The following CENPH variants were observed in gnomAD, a reference collection of about 807,000 sequenced individuals.
CENPH encodes CENP-H.
In CENPH, 40 loss-of-function variants were observed where a neutral mutation model predicts 42.9. The observed-to-expected ratio is 0.93, with a 90% CI of 0.72 to 1.21. CENPH has a LOEUF of 1.21. CENPH is among the 50% of genes most tolerant of loss of function. CENPH has a pLI of 0.00. For synonymous variants in CENPH, 88 were observed against 96.5 expected (o/e 0.91, Z 0.52); for missense variants, 302 against 292.9 (o/e 1.03, Z -0.23).
rs760374211 is a variant in CENPH, at chr5:69,202,564, C to A, written c.430C>A (p.Gln144Lys). The change falls in exon 6 of 9, where the codon CAG (glutamine) becomes AAG (lysine). Residue 144 changes from glutamine (Q) to lysine (K), a missense_variant. By Grantham distance (53) the Gln-to-Lys change is moderately conservative (BLOSUM62 1). Coordinates refer to ENST00000283006, the MANE Select transcript of CENPH (RefSeq NM_022909.4). ...LELNKLIMKS[Q>K]QESWDLEEKL... ...GCTAAATAAATTAATAATGAAATCA[C>A]AGCAGGTAAACTTACACATTAGGCT... 3.6e-5 allele frequency: 55 copies of A among 1,543,724 alleles called. No homozygotes were observed. The highest frequency in any genetic ancestry group is 4.9e-5 in the Non-Finnish European group (55 of 1,122,002).
chr5:69,191,142 A>G (rs1040494421), intron 1 of CENPH, among the ~76,000 whole-genome samples: 1 of 152,166 alleles, frequency 6.6e-6, no homozygotes, highest in African/African-American at 2.4e-5. Flanking sequence ...CTGTGTTTGT[A>G]AATACAGTGG....
At chr5:69,193,754 C>T (rs1328878609) in intron 2 of CENPH, among the ~76,000 whole-genome samples, 4 of 151,446 alleles carry the variant, frequency 2.6e-5, no homozygotes, top group South Asian at 2.1e-4. Context: ...CTCCGCCTCC[C>T]GGATTCACTG....
chr5:69,194,544 G>A (rs544357643), intron 2 of CENPH, 103 bp from the exon 3 acceptor site: 10 of 602,768 alleles, frequency 1.7e-5, no homozygotes, highest in South Asian at 2.6e-5. Flanking sequence ...ATGTGAAAAC[G>A]ACATTTTAAA....
At position 69,191,672 on chromosome 5, in the gene CENPH, A is replaced by C. The variant is rs977180001; in HGVS notation, c.135-123A>C. 22 of 627,294 alleles carry C rather than the reference A, an allele frequency of 3.5e-5. No homozygotes were observed. In the African/African-American group the frequency reaches 4.2e-4, roughly 12 times the overall value. The allele number at this position is 627,294 out of a possible 1,614,324, so 38.9% of individuals were successfully genotyped here. On this transcript the variant is annotated intron_variant, in intron 1 of 8. Transcript: ENST00000283006. The stretch of plus-strand genomic sequence containing the variant: ...ATTAGAAGTTTGTAATTAGGAGTTT[A>C]ATTATTTATATTTATTTTGTTGTAT...
rs1198741488 is a variant in CENPH at position 69,204,062 on chromosome 5, A to AT, written c.487+1092_487+1093insT. ...TATATATTTATATATTATATATATA[A>AT]ATATATATAATATATAAATATATAT... On this transcript the variant is annotated intron_variant, in intron 7 of 8. Transcript: ENST00000283006. Among the ~76,000 whole-genome samples, 135 of 50,310 alleles carry AT rather than the reference A, an allele frequency of 2.7e-3. 3 individuals carry two copies. Among genetic ancestry groups the AT allele is most frequent in the African/African-American group, 4.7e-3 (51 of 10,864 alleles). The allele number at this position is 50,310 out of a possible 152,430, so 33.0% of individuals were successfully genotyped here.
chr5:69,193,325 T>A lies in CENPH; in HGVS notation c.191-1322T>A, dbSNP rs560962594. 4.6e-5 allele frequency among the ~76,000 whole-genome samples: 7 copies of A among 152,110 alleles called. No individual in the cohort carries two copies. The South Asian group carries it at 1.0e-3, about 23-fold the overall frequency. On this transcript the variant is annotated intron_variant, in intron 2 of 8. Coordinates refer to ENST00000283006, the MANE Select transcript of CENPH (RefSeq NM_022909.4). ...CAAATTTCTAAATCTGTATAATCAC[T>A]ACCACAATCAAGATACAGAACATTT... is the stretch of plus-strand genomic sequence containing the variant.
chr5:69,191,373 A>G (rs1419023603), intron 1 of CENPH, among the ~76,000 whole-genome samples: 1 of 152,112 alleles, frequency 6.6e-6, no homozygotes. Flanking sequence ...TTAGCCGGGC[A>G]TGGTGGCAGG....
intron 1 of CENPH, among the ~76,000 whole-genome samples, chr5:69,190,493 T>C (rs530942239): frequency 2.7e-4 from 41 of 152,316 alleles, no homozygotes; most frequent in Admixed American, 2.4e-3. Context: ...AGAGACCGTG[T>C]GACTCACAAA....
chr5:69,200,624 C>T (rs1216540534), intron 5 of CENPH, among the ~76,000 whole-genome samples: 2 of 148,410 alleles, frequency 1.3e-5, no homozygotes, highest in Non-Finnish European at 3.0e-5. Flanking sequence ...TTAGTTGCTT[C>T]TACAGTGTTT....
intron 1 of CENPH, among the ~76,000 whole-genome samples, chr5:69,190,410 G>C (rs1747848641): frequency 6.6e-6 from 1 of 152,160 alleles, no homozygotes; most frequent in African/African-American, 2.4e-5. Context: ...AGAAATTCAA[G>C]TTTCAGTTTC....
chr5:69,203,461 G>C (rs944585905), intron 7 of CENPH, among the ~76,000 whole-genome samples: 4 of 152,096 alleles, frequency 2.6e-5, no homozygotes, highest in Non-Finnish European at 5.9e-5. Context: ...CCGCCTCCTG[G>C]GTTTGAGCAA....
chr5:69,198,979 G>A (rs900047038), intron 5 of CENPH, among the ~76,000 whole-genome samples: 8 of 152,012 alleles, frequency 5.3e-5, no homozygotes, highest in African/African-American at 1.9e-4. Context: ...TGAGTTAAAG[G>A]TGTGGGGTGC....
At position 69,208,338 on chromosome 5, in the gene CENPH, T is replaced by C. The variant is rs754138643; in HGVS notation, c.630T>C (p.Thr210=). ...QNLQMEIKIT[T]VIQHVFQNLI... ...TACAGATGGAGATAAAAATTACTAC[T>C]GTTATTCAACATGTGTTCCAGGTAA... Residue 210 remains threonine, a synonymous_variant, in exon 8 of 9, where the codon ACT becomes ACC. Transcript: ENST00000283006. 6.3e-7 allele frequency: 1 copy of C among 1,595,000 alleles called. No homozygotes were observed. Among genetic ancestry groups the C allele is most frequent in the East Asian group, 2.2e-5 (1 of 44,668 alleles).
At chr5:69,202,141 C>G (rs576826026) in intron 5 of CENPH, among the ~76,000 whole-genome samples, 18 of 152,220 alleles carry the variant, frequency 1.2e-4, no homozygotes, top group African/African-American at 4.1e-4. Flanking sequence ...AAAATACATT[C>G]AAAATAAAAA....
chr5:69,208,313 TAC>T lies in CENPH; in HGVS notation c.607_608del (p.Gln203AspfsTer21), dbSNP rs1748193274. On this transcript the variant is annotated frameshift_variant, in exon 8 of 9. Transcript: ENST00000283006. LOFTEE classifies it high-confidence loss of function. ...AGGATAAAGATCATACGACAAAACCTACAGATGGAGATAAAAATTACTACTGT... is the reference window on the plus strand; with the variant it reads ...AGGATAAAGATCATACGACAAAACCTAGATGGAGATAAAAATTACTACTGT... 1.2e-6 allele frequency: 2 copies of T among 1,600,686 alleles called. No individual in the cohort carries two copies. The highest frequency in any genetic ancestry group is 1.7e-6 in the Non-Finnish European group (2 of 1,168,850).
At position 69,197,092 on chromosome 5, in the gene CENPH, A is replaced by T; in HGVS notation, c.354A>T (p.Lys118Asn). 6.3e-7 allele frequency: 1 copy of T among 1,582,624 alleles called. No individual in the cohort carries two copies. The highest frequency in any genetic ancestry group is 8.5e-7 in the Non-Finnish European group (1 of 1,169,854). Residue 118 changes from lysine (K) to asparagine (N), a missense_variant, in exon 5 of 9, where the codon AAA (lysine) becomes AAT (asparagine). Transcript: ENST00000283006. ...LSTALKKNLE[K>N]ISRQSSVLMD... ...CTGCACTTAAAAAAAACCTGGAGAA[A>T]ATTAGCAGACAGTCTAGGTATGATT...
At chr5:69,207,720 A>G (rs988876297) in intron 7 of CENPH, 1 of 152,162 alleles carries the variant, frequency 6.6e-6, no homozygotes, top group African/African-American at 2.4e-5. Context: ...GAGGCAGGAG[A>G]ATCACTTGAA....
chr5:69,190,916 T>G (rs943172626), intron 1 of CENPH, among the ~76,000 whole-genome samples: 2 of 152,122 alleles, frequency 1.3e-5, no homozygotes, highest in Admixed American at 6.5e-5. Flanking sequence ...AATTACCATT[T>G]TTTTCTTTCT....
chr5:69,196,589 G>A (rs1255132816), intron 4 of CENPH, among the ~76,000 whole-genome samples: 4 of 152,164 alleles, frequency 2.6e-5, no homozygotes, highest in African/African-American at 9.6e-5. Context: ...AGGTTGCAGT[G>A]AGCCGAGATG....
Sources: gnomAD v4.1 joint callset for allele counts (sites outside exome capture counted in the v4.1 genomes callset) on GRCh38, gnomAD v4.1.1 for gene constraint, MANE v1.5 for transcripts, NCBI Gene and HGNC (gene_info 2026-07-23, HGNC 2026-07-21) for gene names.